The following RAPGEF5 variants were observed in gnomAD, a reference collection of about 807,000 sequenced individuals.
RAPGEF5 encodes Rap guanine nucleotide exchange factor 5, also known as M-Ras-regulated GEF.
A neutral mutation model predicts 125.2 loss-of-function variants in RAPGEF5; 65 were observed. The ratio of observed to expected loss-of-function variants is 0.52; its 90% CI spans 0.43 to 0.64. The LOEUF (loss-of-function observed/expected upper bound fraction) is 0.64. RAPGEF5 is among the 30% of genes least tolerant of loss of function. The pLI, the probability that RAPGEF5 is intolerant of heterozygous loss-of-function variation, is 0.00. For synonymous variants in RAPGEF5, 391 were observed against 385.9 expected (o/e 1.01, Z -0.16); for missense variants, 958 against 1,048.1 (o/e 0.91, Z 1.19).
intron 6 of RAPGEF5, among the ~76,000 whole-genome samples, chr7:22,284,151 C>A (rs536456749): frequency 6.6e-6 from 1 of 151,752 alleles, no homozygotes; most frequent in Non-Finnish European, 1.5e-5. Context: ...GACGAAGATA[C>A]GTAATAGACA....
chr7:22,315,511 C>G (rs991476805), intron 2 of RAPGEF5, 35 bp from the exon 3 acceptor site: 5 of 1,320,456 alleles, frequency 3.8e-6, no homozygotes, highest in Non-Finnish European at 4.8e-6. Flanking sequence ...AAATATAGAA[C>G]AATAATGTGA....
chr7:22,355,609 A>C (rs1250700848), intron 1 of RAPGEF5, among the ~76,000 whole-genome samples: 1 of 152,198 alleles, frequency 6.6e-6, no homozygotes, highest in Non-Finnish European at 1.5e-5. Context: ...GACTTTAAGA[A>C]TGTCCCATCA....
chr7:22,248,017 C>T (rs1482347065), intron 7 of RAPGEF5, among the ~76,000 whole-genome samples: 2 of 152,168 alleles, frequency 1.3e-5, no homozygotes, highest in Non-Finnish European at 2.9e-5. Flanking sequence ...CTATTACGTA[C>T]CATGCTCAGT....
At chr7:22,303,067 T>C (rs1404265703) in intron 5 of RAPGEF5, among the ~76,000 whole-genome samples, 1 of 152,192 alleles carries the variant, frequency 6.6e-6, no homozygotes, top group Non-Finnish European at 1.5e-5. Context: ...ATTGAAATAG[T>C]CAAGTTCCCT....
chr7:22,161,417 G>A (rs1385584477), intron 13 of RAPGEF5, among the ~76,000 whole-genome samples: 2 of 151,860 alleles, frequency 1.3e-5, no homozygotes, highest in Admixed American at 6.6e-5. Context: ...CATGCCTTTA[G>A]TCCCAGATAG....
rs891856557 is a variant in RAPGEF5 at position 22,120,479 on chromosome 7, C to T, written c.*1927G>A. ...ATGTCAGGATGGCCTTATATGATTA[C>T]ACTGGCCAAACCTTAGTCCAGGGCA... On this transcript the variant is annotated 3_prime_UTR_variant, in exon 26 of 26. Coordinates refer to ENST00000665637, the MANE Select transcript of RAPGEF5 (RefSeq NM_012294.5). The surrounding 1 kb of genome is among the most constrained non-coding windows in gnomAD (Gnocchi z 4.0). The T allele has an allele frequency of 6.6e-6, 1 of 152,652 alleles. No individual in the cohort carries two copies. 9.5% of individuals were successfully genotyped at this position (152,652 alleles called of 1,614,324 possible). A position where few individuals can be genotyped will look rare whatever the true frequency, so the allele number is the denominator to read the frequency against.
chr7:22,171,508 T>C (rs570113473), intron 11 of RAPGEF5, among the ~76,000 whole-genome samples: 29 of 152,240 alleles, frequency 1.9e-4, no homozygotes, highest in Admixed American at 5.2e-4. Context: ...ATATCCTTTC[T>C]TTTTTTTGAG....
chr7:22,146,544 T>C (rs763656087), intron 19 of RAPGEF5, among the ~76,000 whole-genome samples: 4 of 152,192 alleles, frequency 2.6e-5, no homozygotes, highest in Non-Finnish European at 5.9e-5. Flanking sequence ...ATGATTCTTG[T>C]ACAACTATCA....
intron 3 of RAPGEF5, 40 bp downstream of exon 3, chr7:22,315,330 C>T (rs1181316097): frequency 6.6e-7 from 1 of 1,524,104 alleles, no homozygotes; most frequent in Admixed American, 2.1e-5. Flanking sequence ...TTTTTTTCCT[C>T]AAAGAGAATT....
rs1785738252 is a variant in RAPGEF5 at position 22,219,915 on chromosome 7, T to C, written c.947A>G (p.Asn316Ser). ...TTTGTCCGTCTGCAAAAACTGATAG[T>C]TTTCTTTTGCCAGCTTCTGGACTAG... ...IELVQKLAKE[N>S]YQFLQTDKKE... Residue 316 changes from asparagine (N) to serine (S), a missense_variant, in exon 9 of 26, where the codon AAC becomes AGC. Asn to Ser is a conservative substitution (Grantham distance 46). Transcript: ENST00000665637. 3 of 1,613,464 alleles carry C rather than the reference T, an allele frequency of 1.9e-6. No individual in the cohort carries two copies. Among genetic ancestry groups the C allele is most frequent in the Non-Finnish European group, 2.5e-6 (3 of 1,179,526 alleles).
At chr7:22,172,174 G>T (rs1388353447) in intron 11 of RAPGEF5, among the ~76,000 whole-genome samples, 4 of 152,080 alleles carry the variant, frequency 2.6e-5, no homozygotes, top group Non-Finnish European at 5.9e-5. Flanking sequence ...CCAGGCTGGA[G>T]TACAGTGGCA....
chr7:22,222,222 G>A (rs1370413656), intron 8 of RAPGEF5, among the ~76,000 whole-genome samples: 4 of 152,150 alleles, frequency 2.6e-5, no homozygotes, highest in Non-Finnish European at 5.9e-5. Context: ...CTGGACGACA[G>A]AGCGAGAGTC....
chr7:22,147,134 C>G (rs1783466732), intron 18 of RAPGEF5, 115 bp from the exon 19 acceptor site: 2 of 1,324,096 alleles, frequency 1.5e-6, no homozygotes, highest in Non-Finnish European at 2.1e-6. Flanking sequence ...TTTCTGAGTG[C>G]ACTTAATATT....
rs749748506 is a variant in RAPGEF5 at position 22,154,566 on chromosome 7, T to C, written c.1675A>G (p.Ser559Gly). Residue 559 changes from serine to glycine, a missense_variant, in exon 17 of 26, where the codon AGT (serine) becomes GGT (glycine). Transcript: ENST00000665637. ...HVYITEHSYV[S>G]VKAKVSSIAQ... ...ATACTGGAAACTTTTGCCTTCACAC[T>C]GACATAGGAGTGCTCTGTTATATAC... 1.4e-5 allele frequency: 22 copies of C among 1,613,872 alleles called. No homozygotes were observed. The highest frequency in any genetic ancestry group is 1.9e-5 in the Non-Finnish European group (22 of 1,179,790).
intron 9 of RAPGEF5, among the ~76,000 whole-genome samples, chr7:22,202,688 C>A (rs1254760037): frequency 6.6e-6 from 1 of 152,170 alleles, no homozygotes; most frequent in Non-Finnish European, 1.5e-5. Flanking sequence ...TTCTGAATAG[C>A]ATAAAACTTA....
intron 14 of RAPGEF5, 24 bp from the exon 15 acceptor site, chr7:22,157,909 T>C (rs1274102178): frequency 6.2e-7 from 1 of 1,601,100 alleles, no homozygotes; most frequent in Non-Finnish European, 8.6e-7. Context: ...TGGCAAGAAG[T>C]CAGTCTTTGT....
At chr7:22,154,311 T>C in intron 17 of RAPGEF5, 144 bp downstream of exon 17, 1 of 919,692 alleles carries the variant, frequency 1.1e-6, no homozygotes, top group South Asian at 1.8e-5. Context: ...ACACTTCTGG[T>C]AGGCAGCTTC....
chr7:22,144,643 G>A (rs943072894), intron 20 of RAPGEF5, among the ~76,000 whole-genome samples: 1 of 152,168 alleles, frequency 6.6e-6, no homozygotes. Context: ...AGTTCATACG[G>A]TGGGCCTCAA....
intron 6 of RAPGEF5, among the ~76,000 whole-genome samples, chr7:22,276,512 T>C (rs138194309): frequency 2.4e-4 from 37 of 152,314 alleles, no homozygotes; most frequent in African/African-American, 8.2e-4. Flanking sequence ...CTCTCATTTG[T>C]AGGGACAGAT....
Sources: allele counts gnomAD v4.1 joint callset (sites outside exome capture counted in the v4.1 genomes callset), GRCh38; gene constraint gnomAD v4.1.1; non-coding constraint Gnocchi (gnomAD v3.1); transcripts MANE v1.5; gene names NCBI Gene and HGNC (gene_info 2026-07-23, HGNC 2026-07-21).